Variants in FOCAD observed in about 807,000 individuals in gnomAD.
FOCAD encodes KIAA1797.
FOCAD carries 198 observed loss-of-function variants against 225.6 expected under a neutral mutation model. The observed-to-expected ratio is 0.88, with a 90% CI of 0.78 to 0.99. The LOEUF is 0.99. Ranked by LOEUF, FOCAD falls within the 50% of genes least tolerant of loss-of-function variation. The pLI is 0.00. For synonymous variants in FOCAD, 897 were observed against 755.0 expected, an observed-to-expected ratio of 1.19 and a Z score of -3.08; for missense variants, 2,713 against 2,123.6, an observed-to-expected ratio of 1.28 and a Z score of -5.46.
chr9:20,852,507 A>T (rs1295623574), intron 15 of FOCAD, among the ~76,000 whole-genome samples: 1 of 151,716 alleles, frequency 6.6e-6, no homozygotes, highest in Non-Finnish European at 1.5e-5. Context: ...ATTTTCATTG[A>T]ACGTGTAATC....
chr9:20,924,398 A>G (rs1187415761), intron 25 of FOCAD, among the ~76,000 whole-genome samples: 2 of 152,168 alleles, frequency 1.3e-5, no homozygotes, highest in African/African-American at 4.8e-5. Context: ...AGATCCTATT[A>G]CTTCCACTTA....
At chr9:20,772,292 G>A (rs1277242926) in intron 8 of FOCAD, among the ~76,000 whole-genome samples, 4 of 152,140 alleles carry the variant, frequency 2.6e-5, no homozygotes, top group Non-Finnish European at 5.9e-5. Context: ...ATCATACATC[G>A]TTGGATATAT....
intron 4 of FOCAD, among the ~76,000 whole-genome samples, chr9:20,725,884 A>G (rs1175474398): frequency 6.6e-6 from 1 of 152,206 alleles, no homozygotes; most frequent in African/African-American, 2.4e-5. Flanking sequence ...CTGAGGCAAC[A>G]TGAAACAATT....
intron 25 of FOCAD, 71 bp downstream of exon 25, chr9:20,923,839 C>A: frequency 8.5e-7 from 1 of 1,173,746 alleles, no homozygotes; most frequent in Non-Finnish European, 1.3e-6. Flanking sequence ...TAGCCTGGCC[C>A]TGGGCTTACA....
intron 3 of FOCAD, among the ~76,000 whole-genome samples, chr9:20,719,778 CTTTT>C (rs34384301): frequency 1.6e-5 from 1 of 62,112 alleles, no homozygotes; most frequent in Admixed American, 2.4e-4. Flanking sequence ...TTTTCCTAGG[CTTTT>C]TTTTTTTTTT....
chr9:20,883,222 C>T (rs1167667686), intron 20 of FOCAD, among the ~76,000 whole-genome samples: 1 of 152,174 alleles, frequency 6.6e-6, no homozygotes, highest in African/African-American at 2.4e-5. Flanking sequence ...TCAATTCTAA[C>T]TGGCCTACAT....
At chr9:20,974,892 C>T (rs1314983080) in intron 35 of FOCAD, among the ~76,000 whole-genome samples, 2 of 152,148 alleles carry the variant, frequency 1.3e-5, no homozygotes, top group East Asian at 3.8e-4. Flanking sequence ...TCTACTGATT[C>T]TGCTACTTTT....
At chr9:20,803,932 C>A (rs1408651756) in intron 11 of FOCAD, among the ~76,000 whole-genome samples, 1 of 152,152 alleles carries the variant, frequency 6.6e-6, no homozygotes, top group African/African-American at 2.4e-5. Flanking sequence ...TGTCAGTTAA[C>A]TTTGTGGCCC....
intron 8 of FOCAD, among the ~76,000 whole-genome samples, chr9:20,774,359 G>T (rs1818546771): frequency 6.6e-6 from 1 of 152,158 alleles, no homozygotes; most frequent in South Asian, 2.1e-4. Flanking sequence ...TTTTTATGAT[G>T]TTAGTAGTTG....
chr9:20,936,594 C>T (rs1026973839), intron 28 of FOCAD, among the ~76,000 whole-genome samples: 6 of 151,912 alleles, frequency 3.9e-5, no homozygotes, highest in East Asian at 1.9e-4. Context: ...TTTGGGAGGC[C>T]GAGGCAGGTG....
chr9:20,800,567 A>G (rs1252452974), intron 11 of FOCAD, among the ~76,000 whole-genome samples: 3 of 151,864 alleles, frequency 2.0e-5, no homozygotes, highest in African/African-American at 7.3e-5. Context: ...TTTTTTCTCT[A>G]AATTTCTCTT....
At chr9:20,887,763 C>G (rs1024299156) in intron 21 of FOCAD, among the ~76,000 whole-genome samples, 14 of 152,180 alleles carry the variant, frequency 9.2e-5, no homozygotes, top group Non-Finnish European at 1.5e-5. Context: ...AGGAAACTAT[C>G]AAACTGTTTT....
intron 21 of FOCAD, among the ~76,000 whole-genome samples, chr9:20,902,258 G>A (rs1832620824): frequency 6.6e-6 from 1 of 151,882 alleles, no homozygotes; most frequent in Non-Finnish European, 1.5e-5. Flanking sequence ...ATATATACTG[G>A]AAGTATGGAG....
intron 11 of FOCAD, among the ~76,000 whole-genome samples, chr9:20,796,134 G>A (rs1274460846): frequency 1.3e-5 from 2 of 152,086 alleles, no homozygotes; most frequent in Non-Finnish European, 2.9e-5. Flanking sequence ...TCCCTACAAA[G>A]GACATGAACT....
chr9:20,745,313 C>T (rs887842817), intron 5 of FOCAD, among the ~76,000 whole-genome samples: 5 of 152,024 alleles, frequency 3.3e-5, no homozygotes, highest in Non-Finnish European at 5.9e-5. Flanking sequence ...TGGTCTTGAA[C>T]TCCTGAGCTC....
chr9:20,695,443 G>A (rs192666965), intron 1 of FOCAD, among the ~76,000 whole-genome samples: 5 of 152,184 alleles, frequency 3.3e-5, no homozygotes, highest in Non-Finnish European at 2.9e-5. Context: ...TATTGGTAAA[G>A]ATTTTTCTTA....
chr9:20,746,299 A>C (rs1459669677), intron 5 of FOCAD, among the ~76,000 whole-genome samples: 1 of 152,190 alleles, frequency 6.6e-6, no homozygotes, highest in African/African-American at 2.4e-5. Flanking sequence ...GAAGCTTGGC[A>C]CATGAGAGGA....
At chr9:20,729,783 T>G (rs1826519773) in intron 4 of FOCAD, among the ~76,000 whole-genome samples, 2 of 152,062 alleles carry the variant, frequency 1.3e-5, no homozygotes, top group African/African-American at 4.8e-5. Flanking sequence ...GAAACATAAT[T>G]GTGCTTAAAT....
At chr9:20,918,750 A>G (rs1359568031) in intron 24 of FOCAD, among the ~76,000 whole-genome samples, 1 of 152,044 alleles carries the variant, frequency 6.6e-6, no homozygotes, top group Non-Finnish European at 1.5e-5. Flanking sequence ...CTTACAAAGT[A>G]TCTTATAGAC....
Sources: allele counts gnomAD v4.1 joint callset (sites outside exome capture counted in the v4.1 genomes callset), GRCh38; gene constraint gnomAD v4.1.1; transcripts MANE v1.5; gene names NCBI Gene and HGNC (gene_info 2026-07-23, HGNC 2026-07-21).